The following VWCE variants were observed in gnomAD, a reference collection of about 807,000 sequenced individuals.
VWCE encodes von Willebrand factor C and EGF domains.
A neutral mutation model predicts 102.9 loss-of-function variants in VWCE; 68 were observed. The ratio of observed to expected loss-of-function variants is 0.66; its 90% CI spans 0.54 to 0.81. The LOEUF (loss-of-function observed/expected upper bound fraction) is 0.81, where lower values mean the gene tolerates loss of function less well. Among genes scored for constraint, VWCE ranks in the 30% least tolerant of loss-of-function variants. The probability of loss-of-function intolerance (pLI) is 0.00; values close to 1 mark genes in which losing one functional copy is unlikely to be tolerated. For synonymous variants in VWCE, 497 were observed against 515.4 expected, an observed-to-expected ratio of 0.96 and a Z score of 0.48; for missense variants, 1,137 against 1,263.6, an observed-to-expected ratio of 0.90 and a Z score of 1.52.
At position 61,258,509 on chromosome 11, in the gene VWCE, G is replaced by T; in HGVS notation, c.*166C>A. ...TTACAGCACATTCCAAACACTTCTT[G>T]GGAACAAGGTTACATCCAGCCTTGG... On this transcript the variant is annotated 3_prime_UTR_variant, in exon 20 of 20. Transcript: ENST00000335613. The T allele has an allele frequency of 1.6e-6, 1 of 640,260 alleles. No individual in the cohort carries two copies. The highest frequency in any genetic ancestry group is 2.2e-6 in the Non-Finnish European group (1 of 446,842). The allele number at this position is 640,260 out of a possible 1,614,324, so 39.7% of individuals were successfully genotyped here. A position where few individuals can be genotyped will look rare whatever the true frequency, so the allele number is the denominator to read the frequency against.
intron 3 of VWCE, 141 bp downstream of exon 3, chr11:61,291,123 T>C: frequency 8.2e-7 from 1 of 1,226,860 alleles, no homozygotes; most frequent in East Asian, 2.6e-5. Context: ...TTTCTTCATC[T>C]ATAAAATGGG....
intron 7 of VWCE, 118 bp from the exon 8 acceptor site, chr11:61,281,353 C>A: frequency 8.3e-7 from 1 of 1,201,568 alleles, no homozygotes; most frequent in South Asian, 1.5e-5. Flanking sequence ...GTGGTCTGCG[C>A]AACATTCTAC....
At chr11:61,287,892 A>G (rs1279367558) in intron 4 of VWCE, among the ~76,000 whole-genome samples, 2 of 152,094 alleles carry the variant, frequency 1.3e-5, no homozygotes, top group Non-Finnish European at 2.9e-5. Context: ...GCAGTGGCTC[A>G]CGCCTGTAAT....
intron 19 of VWCE, among the ~76,000 whole-genome samples, chr11:61,263,067 G>A (rs1433275543): frequency 1.3e-5 from 2 of 152,220 alleles, no homozygotes; most frequent in African/African-American, 4.8e-5. Flanking sequence ...AGTGCCTTGG[G>A]AGGCCGAGGT....
Position 61,294,866 on chromosome 11 carries a change from T to A in VWCE, c.110+62A>T. 1 of 1,207,578 alleles carries A rather than the reference T, an allele frequency of 8.3e-7. No individual in the cohort carries two copies. The highest frequency in any genetic ancestry group is 1.6e-5 in the African/African-American group (1 of 63,254). The allele number at this position is 1,207,578 out of a possible 1,614,324, so 74.8% of individuals were successfully genotyped here. The stretch of plus-strand genomic sequence containing the variant: ...GCTCCTGAGCGCCCCTCCGCGCCTC[T>A]CGACTGCACGCCGGTAGCGCTCTCC... On this transcript the variant is annotated intron_variant, in intron 1 of 19. Coordinates refer to ENST00000335613, the MANE Select transcript of VWCE (RefSeq NM_152718.2). This position sits in a 1 kb window ranked among gnomAD's most constrained non-coding sequence, Gnocchi z 6.3.
Position 61,268,243 on chromosome 11 carries a change from G to C in VWCE, c.1882+679C>G, listed in dbSNP as rs540899922. 1.1e-4 allele frequency among the ~76,000 whole-genome samples: 16 copies of C among 152,130 alleles called. No homozygotes were observed. In the East Asian group the frequency reaches 3.1e-3, roughly 29 times the overall value. The stretch of plus-strand genomic sequence containing the variant: ...CTAATATTCTTTATTTTTGCTTTCT[G>C]TACTTTTTTTCTAAATTTTCTATAA... On this transcript the variant is annotated intron_variant, in intron 15 of 19. Coordinates refer to ENST00000335613, the MANE Select transcript of VWCE (RefSeq NM_152718.2).
In VWCE at chr11:61,271,657, G is replaced by T; in HGVS notation, c.1785+18C>A. 6.2e-7 allele frequency: 1 copy of T among 1,603,462 alleles called. No homozygotes were observed. The highest frequency in any genetic ancestry group is 1.1e-5 in the South Asian group (1 of 89,152). ...GCAGCCAGGTAAAGCAGCTGAAGGC[G>T]AGCAGGTTGTCATTCACCTGGCAGA... On this transcript the variant is annotated intron_variant, in intron 14 of 19. Coordinates refer to ENST00000335613, the MANE Select transcript of VWCE (RefSeq NM_152718.2).
intron 1 of VWCE, 37 bp from the exon 2 acceptor site, chr11:61,291,613 C>T: frequency 7.2e-7 from 1 of 1,384,220 alleles, no homozygotes. Flanking sequence ...TCATTCTATA[C>T]TGGGGGAGAC....
intron 19 of VWCE, among the ~76,000 whole-genome samples, chr11:61,260,288 G>A (rs145396663): frequency 3.3e-5 from 5 of 151,820 alleles, no homozygotes; most frequent in East Asian, 3.9e-4. Context: ...TTTTTGGGGT[G>A]GGGGGGACAG....
At chr11:61,261,728 C>T (rs1854365898) in intron 19 of VWCE, among the ~76,000 whole-genome samples, 1 of 151,676 alleles carries the variant, frequency 6.6e-6, no homozygotes, top group East Asian at 1.9e-4. Flanking sequence ...ATTGCTTGAG[C>T]CCAGGGGTCG....
Position 61,294,573 on chromosome 11 carries a change from C to T in VWCE, c.110+355G>A, listed in dbSNP as rs866450401. Among the ~76,000 whole-genome samples, 1 of 152,156 alleles carries T rather than the reference C, an allele frequency of 6.6e-6. No homozygotes were observed. The highest frequency in any genetic ancestry group is 2.4e-5 in the African/African-American group (1 of 41,462). ...GCCAGGCGCTGCCCGGGCAGAGCCA[C>T]GGGCACGCTGGGGGGTGAGCCAGCC... On this transcript the variant is annotated intron_variant, in intron 1 of 19. Transcript: ENST00000335613. The surrounding 1 kb of genome is among the most constrained non-coding windows in gnomAD (Gnocchi z 6.3).
intron 9 of VWCE, among the ~76,000 whole-genome samples, chr11:61,278,772 G>A (rs1460232565): frequency 6.6e-6 from 1 of 152,208 alleles, no homozygotes; most frequent in African/African-American, 2.4e-5. Flanking sequence ...CAGGTGCAGT[G>A]GCTCACACCT....
intron 11 of VWCE, 144 bp downstream of exon 11, chr11:61,276,449 G>A: frequency 3.7e-6 from 2 of 540,566 alleles, no homozygotes; most frequent in Non-Finnish European, 5.9e-6. Flanking sequence ...TGGGCTTGGG[G>A]GCTCATGCCT....
rs1422753053 is a variant in VWCE, at chr11:61,282,888, CT to C, written c.558del (p.Thr188LeufsTer32). On this transcript the variant is annotated frameshift_variant, in exon 6 of 20. Coordinates refer to ENST00000335613, the MANE Select transcript of VWCE (RefSeq NM_152718.2). LOFTEE classifies it high-confidence loss of function. ...RHSCQDTDEC[L>X]GTPCQQRCKN... ...TTACATCTCTGCTGACAGGGAGTCCCTAGGCATTCGTCAGTGTCTGGCAGGA... is the reference window on the plus strand; with the variant it reads ...TTACATCTCTGCTGACAGGGAGTCCCAGGCATTCGTCAGTGTCTGGCAGGA... The C allele has an allele frequency of 6.2e-7, 1 of 1,614,128 alleles. No homozygotes were observed. Among genetic ancestry groups the C allele is most frequent in the Non-Finnish European group, 8.5e-7 (1 of 1,179,992 alleles).
At chr11:61,281,995 C>T (rs1671896589) in intron 6 of VWCE, 81 bp from the exon 7 acceptor site, 5 of 1,540,190 alleles carry the variant, frequency 3.2e-6, no homozygotes, top group Non-Finnish European at 4.4e-6. Flanking sequence ...GCTCAAAACA[C>T]TTGGGGAGTT....
chr11:61,275,420 T>C (rs1247939293), intron 11 of VWCE, among the ~76,000 whole-genome samples: 1 of 152,198 alleles, frequency 6.6e-6, no homozygotes, highest in East Asian at 1.9e-4. Flanking sequence ...TTTTCTCATC[T>C]GTACAATGGG....
At chr11:61,282,210 A>C (rs1283036261) in intron 6 of VWCE, among the ~76,000 whole-genome samples, 2 of 152,146 alleles carry the variant, frequency 1.3e-5, no homozygotes, top group African/African-American at 4.8e-5. Context: ...CCCCAATGAG[A>C]AGCTCATCTC....
In VWCE at chr11:61,276,535, G is replaced by A. The variant is rs1411632816; in HGVS notation, c.1495+58C>T. Reference sequence around the variant, plus strand: ...ACACCAGCCTGGGCAACATAGTGAGGTCTACAAAAAATCTAAAAAAAAAAA... The same window carrying A: ...ACACCAGCCTGGGCAACATAGTGAGATCTACAAAAAATCTAAAAAAAAAAA... On this transcript the variant is annotated intron_variant, in intron 11 of 19. Coordinates refer to ENST00000335613, the MANE Select transcript of VWCE (RefSeq NM_152718.2). 7.8e-6 allele frequency: 10 copies of A among 1,284,468 alleles called. No individual in the cohort carries two copies. In the South Asian group the frequency reaches 9.4e-5, roughly 12 times the overall value. The allele number at this position is 1,284,468 out of a possible 1,614,324, so 79.6% of individuals were successfully genotyped here.
intron 9 of VWCE, among the ~76,000 whole-genome samples, chr11:61,279,765 G>A (rs1316397009): frequency 6.6e-6 from 1 of 151,890 alleles, no homozygotes; most frequent in African/African-American, 2.4e-5. Flanking sequence ...TCACTCTGTT[G>A]CCCAGGCTGG....
Sources: allele counts gnomAD v4.1 joint callset (sites outside exome capture counted in the v4.1 genomes callset), GRCh38; gene constraint gnomAD v4.1.1; non-coding constraint Gnocchi (gnomAD v3.1); transcripts MANE v1.5; gene names NCBI Gene and HGNC (gene_info 2026-07-23, HGNC 2026-07-21).